The following DOCK2 variants were observed in gnomAD, a reference collection of about 807,000 sequenced individuals.
The protein encoded by DOCK2 is dedicator of cytokinesis protein 2.
DOCK2 carries 87 observed loss-of-function variants against 248.9 expected under a neutral mutation model. The observed-to-expected ratio is 0.35, with a 90% CI of 0.29 to 0.42. The LOEUF (loss-of-function observed/expected upper bound fraction) is 0.42. DOCK2 is among the 10% of genes least tolerant of loss of function. The pLI, the probability that DOCK2 is intolerant of heterozygous loss-of-function variation, is 1.00. For missense variants in DOCK2, 1,747 were observed against 2,300.2 expected (o/e 0.76, Z 4.92); for synonymous variants, 805 against 821.6 (o/e 0.98, Z 0.35).
chr5:169,839,621 G>A lies in DOCK2; in HGVS notation c.2704-1136G>A, dbSNP rs17737511. Among the ~76,000 whole-genome samples the A allele has an allele frequency of 2.8e-3, 423 of 152,262 alleles. 14 individuals carry two copies. In the East Asian group the frequency reaches 0.064, roughly 23 times the overall value. Reference sequence around the variant, plus strand: ...CTACAACAAAAGCTCAAAAAGGATCGGCAAATCCTACAGAAAGTTTAGGGA... The same window carrying A: ...CTACAACAAAAGCTCAAAAAGGATCAGCAAATCCTACAGAAAGTTTAGGGA... On this transcript the variant is annotated intron_variant, in intron 26 of 51. Transcript: ENST00000520908.
intron 9 of DOCK2, 145 bp downstream of exon 9, chr5:169,689,478 A>G (rs1760171536): frequency 2.5e-6 from 2 of 808,366 alleles, no homozygotes; most frequent in African/African-American, 1.7e-5. Context: ...CAAAGCTGAC[A>G]AAGGACATTG....
chr5:169,908,015 C>T (rs1424273580), intron 27 of DOCK2, among the ~76,000 whole-genome samples: 3 of 152,198 alleles, frequency 2.0e-5, no homozygotes, highest in African/African-American at 7.2e-5. Context: ...TCCTCTCTTG[C>T]TCTGCCTTCA....
At chr5:169,645,712 G>A (rs1242691821) in intron 1 of DOCK2, among the ~76,000 whole-genome samples, 1 of 151,998 alleles carries the variant, frequency 6.6e-6, no homozygotes, top group Non-Finnish European at 1.5e-5. Context: ...TGTCCTGATT[G>A]GTATTGCCTA....
chr5:169,838,494 A>G (rs1170301234), intron 26 of DOCK2, among the ~76,000 whole-genome samples: 1 of 152,242 alleles, frequency 6.6e-6, no homozygotes, highest in Admixed American at 6.5e-5. Context: ...CATGAACATC[A>G]TGTTCACGTA....
At chr5:169,694,355 G>T (rs2113427510) in intron 9 of DOCK2, among the ~76,000 whole-genome samples, 1 of 152,316 alleles carries the variant, frequency 6.6e-6, no homozygotes, top group Non-Finnish European at 1.5e-5. Context: ...ATCCTTACTG[G>T]CAGGGGGCCT....
chr5:169,698,484 A>C, intron 11 of DOCK2, 35 bp downstream of exon 11: 1 of 1,609,098 alleles, frequency 6.2e-7, no homozygotes, highest in Non-Finnish European at 8.5e-7. Context: ...ATTCTCTTCA[A>C]CCACACCCTT....
intron 22 of DOCK2, among the ~76,000 whole-genome samples, chr5:169,739,801 C>T (rs73799367): frequency 0.045 from 6,789 of 152,210 alleles, 466 homozygotes; most frequent in African/African-American, 0.14. Context: ...ACCAACTGGG[C>T]CATAGAGAAA....
chr5:169,732,717 A>C (rs1389837520), intron 22 of DOCK2, among the ~76,000 whole-genome samples: 2 of 152,176 alleles, frequency 1.3e-5, no homozygotes, highest in Non-Finnish European at 2.9e-5. Flanking sequence ...CTTTACTGCT[A>C]ACCTCCTACT....
At chr5:169,687,234 A>T (rs1413678406) in intron 8 of DOCK2, among the ~76,000 whole-genome samples, 3 of 152,192 alleles carry the variant, frequency 2.0e-5, no homozygotes, top group Non-Finnish European at 4.4e-5. Context: ...AATAAAAAAA[A>T]TTTGCATGGA....
chr5:169,903,709 AAAG>A (rs1378518077), intron 27 of DOCK2, among the ~76,000 whole-genome samples: 1 of 152,124 alleles, frequency 6.6e-6, no homozygotes, highest in African/African-American at 2.4e-5. Flanking sequence ...CAGGGGGAGA[AAAG>A]AAGTAAGTTT....
At position 169,737,550 on chromosome 5, in the gene DOCK2, C is replaced by G. The variant is rs188941103; in HGVS notation, c.2268-9846C>G. ...AAGCCTGGAAACCCTTAGGTAGTTTCAGGATGAGGGGTGGCCATCTGAAAG... is the reference window on the plus strand; with the variant it reads ...AAGCCTGGAAACCCTTAGGTAGTTTGAGGATGAGGGGTGGCCATCTGAAAG... On this transcript the variant is annotated intron_variant, in intron 22 of 51. Coordinates refer to ENST00000520908, the MANE Select transcript of DOCK2 (RefSeq NM_004946.3). Among the ~76,000 whole-genome samples the G allele has an allele frequency of 2.6e-5, 4 of 152,224 alleles. No individual in the cohort carries two copies. The East Asian group carries it at 5.8e-4, about 22-fold the overall frequency.
At chr5:170,026,390 A>G (rs1191560311) in intron 33 of DOCK2, among the ~76,000 whole-genome samples, 2 of 152,160 alleles carry the variant, frequency 1.3e-5, no homozygotes, top group African/African-American at 4.8e-5. Flanking sequence ...GCTGCTCTTC[A>G]TGCATTGTCA....
intron 27 of DOCK2, among the ~76,000 whole-genome samples, chr5:169,978,522 A>G (rs1379710030): frequency 6.6e-6 from 1 of 152,048 alleles, no homozygotes; most frequent in African/African-American, 2.4e-5. Flanking sequence ...TTTTTAATGC[A>G]AAAGAGTGGA....
intron 5 of DOCK2, among the ~76,000 whole-genome samples, chr5:169,673,888 G>A (rs904827170): frequency 6.6e-6 from 1 of 152,142 alleles, no homozygotes; most frequent in Non-Finnish European, 1.5e-5. Flanking sequence ...TAGGTGGTAC[G>A]CGTGCCACAC....
chr5:169,734,179 A>C (rs1010840501), intron 22 of DOCK2, among the ~76,000 whole-genome samples: 3 of 151,964 alleles, frequency 2.0e-5, no homozygotes, highest in African/African-American at 7.2e-5. Context: ...TAACTGACTG[A>C]GGTTTTTCTT....
chr5:169,968,308 G>A (rs1777375437), intron 27 of DOCK2, among the ~76,000 whole-genome samples: 1 of 152,128 alleles, frequency 6.6e-6, no homozygotes. Flanking sequence ...CACAGCAAAC[G>A]AGGCAGTCCT....
At position 169,893,132 on chromosome 5, in the gene DOCK2, AG is replaced by A. The variant is rs367603715; in HGVS notation, c.2799+52283del. 4.6e-5 allele frequency among the ~76,000 whole-genome samples: 7 copies of A among 152,170 alleles called. No individual in the cohort carries two copies. The South Asian group carries it at 6.2e-4, about 14-fold the overall frequency. ...TCATTCCTTTGGCTATTCTATGTCA[AG>A]GGTGGGGAATCAGCATCTCTTGAAT... On this transcript the variant is annotated intron_variant, in intron 27 of 51. Transcript: ENST00000520908.
chr5:169,637,994 T>C (rs1561895137), intron 1 of DOCK2, among the ~76,000 whole-genome samples: 1 of 152,062 alleles, frequency 6.6e-6, no homozygotes, highest in African/African-American at 2.4e-5. Context: ...GCCTCAGCCA[T>C]CTAAACTCCC....
chr5:169,982,324 T>A (rs1777964595), intron 27 of DOCK2, among the ~76,000 whole-genome samples: 1 of 152,088 alleles, frequency 6.6e-6, no homozygotes, highest in African/African-American at 2.4e-5. Flanking sequence ...GACTGATAAA[T>A]CTGGGAAAGA....
Sources: gnomAD v4.1 joint callset for allele counts (sites outside exome capture counted in the v4.1 genomes callset) on GRCh38, gnomAD v4.1.1 for gene constraint, MANE v1.5 for transcripts, NCBI Gene and HGNC (gene_info 2026-07-23, HGNC 2026-07-21) for gene names.